CPM: variants seen among roughly 807,000 people sequenced by gnomAD.
CPM encodes renal carboxypeptidase.
In CPM, 35 loss-of-function variants were observed where a neutral mutation model predicts 46.4. That is an observed-to-expected ratio of 0.75 (90% CI 0.58 to 1.00). The LOEUF (loss-of-function observed/expected upper bound fraction) is 1.00. CPM is among the 50% of genes least tolerant of loss of function. The probability of loss-of-function intolerance (pLI) is 0.00; values close to 1 mark genes in which losing one functional copy is unlikely to be tolerated. For missense variants in CPM, 422 were observed against 530.4 expected (o/e 0.80, Z 2.01); for synonymous variants, 195 against 195.3 (o/e 1.00, Z 0.01).
chr12:68,867,352 A>C (rs1363933459), intron 6 of CPM, among the ~76,000 whole-genome samples: 2 of 152,232 alleles, frequency 1.3e-5, no homozygotes, highest in Non-Finnish European at 2.9e-5. Context: ...CATTACAAAA[A>C]TGATTCTTTG....
intron 2 of CPM, among the ~76,000 whole-genome samples, chr12:68,903,197 T>G (rs1315237398): frequency 7.9e-5 from 12 of 152,268 alleles, no homozygotes; most frequent in Non-Finnish European, 1.5e-5. Flanking sequence ...TTTCTCAAGC[T>G]GTGCATTTAC....
chr12:68,875,306 G>C (rs1380254082), intron 3 of CPM, among the ~76,000 whole-genome samples: 1 of 150,038 alleles, frequency 6.7e-6, no homozygotes, highest in East Asian at 2.0e-4. Flanking sequence ...AGCCGAGATT[G>C]TGCCATTGCA....
chr12:68,883,095 T>A (rs1057260890), intron 3 of CPM, among the ~76,000 whole-genome samples: 2 of 152,184 alleles, frequency 1.3e-5, no homozygotes, highest in African/African-American at 4.8e-5. Flanking sequence ...ACCCTGCCAC[T>A]CAGTGTGTAT....
At chr12:68,875,273 C>T (rs1885895775) in intron 3 of CPM, among the ~76,000 whole-genome samples, 1 of 151,500 alleles carries the variant, frequency 6.6e-6, no homozygotes, top group African/African-American at 2.4e-5. Flanking sequence ...ATCGCTTGAA[C>T]CTGGGAAGCA....
intron 3 of CPM, among the ~76,000 whole-genome samples, chr12:68,875,234 C>T (rs555685083): frequency 1.3e-4 from 19 of 151,942 alleles, no homozygotes; most frequent in African/African-American, 4.6e-4. Flanking sequence ...ACCTGTAGTC[C>T]CAGCTACTCG....
chr12:68,898,058 T>C (rs1251173297), intron 2 of CPM, among the ~76,000 whole-genome samples: 1 of 150,692 alleles, frequency 6.6e-6, no homozygotes, highest in Non-Finnish European at 1.5e-5. Flanking sequence ...TTTGCCATGC[T>C]GTCTAGGCTG....
At chr12:68,870,861 G>C (rs572402931) in intron 4 of CPM, among the ~76,000 whole-genome samples, 19 of 152,312 alleles carry the variant, frequency 1.2e-4, no homozygotes, top group Admixed American at 1.0e-3. Flanking sequence ...AAATAAAAAG[G>C]CTGTTGCTTT....
chr12:68,950,815 A>G (rs2096202355), intron 1 of CPM, among the ~76,000 whole-genome samples: 1 of 152,174 alleles, frequency 6.6e-6, no homozygotes, highest in African/African-American at 2.4e-5. Flanking sequence ...GGGAGATACC[A>G]TCATGGGTTC....
At chr12:68,928,959 T>C (rs1273995177) in intron 2 of CPM, among the ~76,000 whole-genome samples, 1 of 151,450 alleles carries the variant, frequency 6.6e-6, no homozygotes, top group Non-Finnish European at 1.5e-5. Context: ...TTGCCTAGGC[T>C]GGTCTCCTGA....
rs150092245 is a variant in CPM, at chr12:68,894,777, G to A, written c.161-8888C>T. Among the ~76,000 whole-genome samples, 344 of 152,212 alleles carry A rather than the reference G, an allele frequency of 2.3e-3. 1 individual carries two copies. Among genetic ancestry groups the A allele is most frequent in the African/African-American group, 7.9e-3 (330 of 41,524 alleles). On this transcript the variant is annotated intron_variant, in intron 2 of 8. Transcript: ENST00000551568. ...CGGCCAGGTGTGGTGGCTCATGCCT[G>A]TAATCCCAGCACTTTGGAAGACTGA... is the stretch of plus-strand genomic sequence containing the variant.
intron 1 of CPM, among the ~76,000 whole-genome samples, chr12:68,958,988 C>G (rs1367754548): frequency 6.6e-6 from 1 of 152,222 alleles, no homozygotes; most frequent in Non-Finnish European, 1.5e-5. Context: ...AACTTCAATG[C>G]CATCCTCTTT....
intron 1 of CPM, among the ~76,000 whole-genome samples, chr12:68,953,953 A>C (rs961118856): frequency 6.6e-6 from 1 of 152,252 alleles, no homozygotes; most frequent in African/African-American, 2.4e-5. Flanking sequence ...GCATTACAAC[A>C]TAGAAATCCA....
chr12:68,856,300 C>T lies in CPM; in HGVS notation c.*137G>A. ...TATTGCTTATTGTGGAATTTGGAAA[C>T]ATCCATTTCTCTTCTTCAGGAAGAT... On this transcript the variant is annotated 3_prime_UTR_variant, in exon 9 of 9. Coordinates refer to ENST00000551568, the MANE Select transcript of CPM (RefSeq NM_198320.5). 2 of 971,122 alleles carry T rather than the reference C, an allele frequency of 2.1e-6. No individual in the cohort carries two copies. The highest frequency in any genetic ancestry group is 2.4e-5 in the East Asian group (1 of 41,018). The allele number at this position is 971,122 out of a possible 1,614,324, so 60.2% of individuals were successfully genotyped here.
At chr12:68,934,111 CCTCTCCCCTTCCCT>C (rs1177934402), upstream of CPM, among the ~76,000 whole-genome samples, 1 of 152,030 alleles carries the variant, frequency 6.6e-6, no homozygotes, top group Non-Finnish European at 1.5e-5. Flanking sequence ...CTCCCCTCCC[CCTCTCCCCTTCCCT>C]CTCTCCCCCT....
At chr12:68,927,446 T>C (rs573108041) in intron 2 of CPM, among the ~76,000 whole-genome samples, 5 of 152,320 alleles carry the variant, frequency 3.3e-5, no homozygotes, top group African/African-American at 7.2e-5. Flanking sequence ...TTGAGTTCAT[T>C]GTAGATTCTG....
chr12:68,923,113 C>G (rs1888103069), intron 2 of CPM, among the ~76,000 whole-genome samples: 1 of 148,870 alleles, frequency 6.7e-6, no homozygotes, highest in Non-Finnish European at 1.5e-5. Flanking sequence ...CTAAATTTGA[C>G]TTAGTCTCCT....
chr12:68,889,699 T>C (rs547874211), intron 2 of CPM, among the ~76,000 whole-genome samples: 26 of 152,204 alleles, frequency 1.7e-4, no homozygotes, highest in African/African-American at 6.3e-4. Context: ...TGTGGTGGCA[T>C]GTGTCTGTAA....
chr12:68,871,735 C>G (rs1362734351), intron 4 of CPM, 49 bp downstream of exon 4: 2 of 1,600,978 alleles, frequency 1.2e-6, no homozygotes, highest in Admixed American at 3.4e-5. Flanking sequence ...CTGTCGGGAG[C>G]CTTTGTGTTG....
intron 2 of CPM, among the ~76,000 whole-genome samples, chr12:68,886,414 C>T (rs1359470059): frequency 5.3e-5 from 8 of 151,938 alleles, no homozygotes; most frequent in African/African-American, 1.4e-4. Context: ...GGGCAGATCA[C>T]GAGGTCAGGA....
Sources: allele counts gnomAD v4.1 joint callset (sites outside exome capture counted in the v4.1 genomes callset), GRCh38; gene constraint gnomAD v4.1.1; transcripts MANE v1.5; gene names NCBI Gene and HGNC (gene_info 2026-07-23, HGNC 2026-07-21).